The following CCDC171 variants were observed in gnomAD, a reference collection of about 807,000 sequenced individuals.
CCDC171 encodes coiled-coil domain-containing protein 171.
CCDC171 carries 177 observed loss-of-function variants against 168.2 expected under a neutral mutation model. That is an observed-to-expected ratio of 1.05 (90% CI 0.93 to 1.19). The LOEUF is 1.19. CCDC171 is among the 50% of genes most tolerant of loss of function. The pLI is 0.00. For missense variants in CCDC171, 1,991 were observed against 1,539.0 expected, an observed-to-expected ratio of 1.29 and a Z score of -4.91; for synonymous variants, 687 against 540.8, an observed-to-expected ratio of 1.27 and a Z score of -3.75.
intron 18 of CCDC171, among the ~76,000 whole-genome samples, chr9:15,755,531 C>T (rs1213170372): frequency 1.3e-5 from 2 of 151,944 alleles, no homozygotes; most frequent in African/African-American, 2.4e-5. Flanking sequence ...CATCAGTACG[C>T]GTGAGTCAAA....
chr9:15,751,358 A>C (rs1381699451), intron 18 of CCDC171, among the ~76,000 whole-genome samples: 1 of 152,190 alleles, frequency 6.6e-6, no homozygotes, highest in African/African-American at 2.4e-5. Context: ...GCCCAAAATA[A>C]TTTATAGATT....
chr9:15,892,591 C>T (rs966577191), intron 24 of CCDC171, among the ~76,000 whole-genome samples: 7 of 152,078 alleles, frequency 4.6e-5, no homozygotes, highest in Non-Finnish European at 1.0e-4. Flanking sequence ...TAAGCAACTT[C>T]AGCAAAGTCT....
At chr9:15,619,261 G>C (rs533211089) in intron 6 of CCDC171, among the ~76,000 whole-genome samples, 1 of 152,278 alleles carries the variant, frequency 6.6e-6, no homozygotes, top group African/African-American at 2.4e-5. Flanking sequence ...AGCTTAGTGA[G>C]GAAGGAATGT....
intron 11 of CCDC171, among the ~76,000 whole-genome samples, chr9:15,704,436 A>G (rs185753255): frequency 9.2e-5 from 14 of 152,306 alleles, no homozygotes; most frequent in Non-Finnish European, 4.4e-5. Flanking sequence ...TAGCTACGGC[A>G]AGAAGGCAGT....
intron 23 of CCDC171, among the ~76,000 whole-genome samples, chr9:15,850,039 AT>A (rs1681972362): frequency 6.6e-6 from 1 of 151,964 alleles, no homozygotes; most frequent in Admixed American, 6.6e-5. Context: ...GCTAGTCAGT[AT>A]AGTTTAAATA....
the CCDC171 span, among the ~76,000 whole-genome samples, chr9:16,089,953 A>G: frequency 3.9e-5 from 6 of 152,170 alleles, no homozygotes; most frequent in Non-Finnish European, 8.8e-5. Flanking sequence ...GAAATAGGAA[A>G]GCTTTGACAC....
chr9:15,678,277 A>G (rs777415278), intron 9 of CCDC171, among the ~76,000 whole-genome samples: 1 of 152,050 alleles, frequency 6.6e-6, no homozygotes, highest in Non-Finnish European at 1.5e-5. Flanking sequence ...TTCAAAGTGA[A>G]TGTGAATTAT....
chr9:15,872,989 G>A (rs1273924077), intron 23 of CCDC171, among the ~76,000 whole-genome samples: 1 of 152,012 alleles, frequency 6.6e-6, no homozygotes, highest in Non-Finnish European at 1.5e-5. Context: ...AGTGTTTGTT[G>A]CAGATAAATA....
intron 25 of CCDC171, among the ~76,000 whole-genome samples, chr9:15,950,294 A>G (rs1478019711): frequency 6.6e-6 from 1 of 152,158 alleles, no homozygotes; most frequent in African/African-American, 2.4e-5. Flanking sequence ...ATACTCCTCG[A>G]GAAGAGCAAC....
At chr9:15,807,466 C>G (rs79933285) in intron 21 of CCDC171, among the ~76,000 whole-genome samples, 3,154 of 152,158 alleles carry the variant, frequency 0.021, 105 homozygotes, top group African/African-American at 0.072. Context: ...GATAGAATAA[C>G]CTTTACTCAG....
At chr9:16,084,631 C>T in the CCDC171 span, among the ~76,000 whole-genome samples, 1 of 152,206 alleles carries the variant, frequency 6.6e-6, no homozygotes, top group Non-Finnish European at 1.5e-5. Context: ...CCTCCTCAAA[C>T]TTCCTACTGC....
chr9:15,775,100 T>A (rs896158211), intron 18 of CCDC171, among the ~76,000 whole-genome samples: 1 of 120,766 alleles, frequency 8.3e-6, no homozygotes, highest in Non-Finnish European at 1.9e-5. Context: ...CAAAACCTAT[T>A]GAAATAAAAA....
chr9:15,982,669 C>T (rs754051524), intron 3 of CCDC171, among the ~76,000 whole-genome samples: 1 of 152,102 alleles, frequency 6.6e-6, no homozygotes, highest in Non-Finnish European at 1.5e-5. Flanking sequence ...TGTGCCTCTG[C>T]TTCCTTCCCT....
intron 6 of CCDC171, among the ~76,000 whole-genome samples, chr9:16,025,287 C>T (rs939157066): frequency 6.6e-6 from 1 of 152,052 alleles, no homozygotes; most frequent in Non-Finnish European, 1.5e-5. Context: ...ACTAAAAATA[C>T]AAAAATTAGC....
chr9:16,069,934 C>G, the CCDC171 span, among the ~76,000 whole-genome samples: 2 of 152,160 alleles, frequency 1.3e-5, no homozygotes, highest in Non-Finnish European at 2.9e-5. Context: ...GGCTCCCCCT[C>G]CCATAGCAGG....
intron 1 of CCDC171, among the ~76,000 whole-genome samples, chr9:15,563,594 A>G (rs2039488554): frequency 6.6e-6 from 1 of 152,152 alleles, no homozygotes; most frequent in Non-Finnish European, 1.5e-5. Context: ...GGTGGTATTC[A>G]TTTGTCTACC....
chr9:15,701,643 G>T (rs886285535), intron 11 of CCDC171, among the ~76,000 whole-genome samples: 4 of 146,364 alleles, frequency 2.7e-5, no homozygotes, highest in African/African-American at 5.0e-5. Flanking sequence ...GCAGTGGCAC[G>T]ATCTTGGCTC....
At chr9:15,967,891 TG>T (rs1367799077) in intron 25 of CCDC171, among the ~76,000 whole-genome samples, 1 of 152,210 alleles carries the variant, frequency 6.6e-6, no homozygotes, top group Non-Finnish European at 1.5e-5. Flanking sequence ...TCAGAAGCCT[TG>T]GTCGGCAAAA....
intron 1 of CCDC171, among the ~76,000 whole-genome samples, chr9:15,555,104 A>T (rs958197633): frequency 1.3e-5 from 2 of 152,130 alleles, no homozygotes; most frequent in African/African-American, 4.8e-5. Context: ...TCTAAAGTAG[A>T]TTCGCCTTTC....
Sources: gnomAD v4.1 joint callset for allele counts (sites outside exome capture counted in the v4.1 genomes callset) on GRCh38, gnomAD v4.1.1 for gene constraint, MANE v1.5 for transcripts, NCBI Gene and HGNC (gene_info 2026-07-23, HGNC 2026-07-21) for gene names.